LRFN5: variants seen among roughly 807,000 people sequenced by gnomAD.
LRFN5 encodes the protein leucine-rich repeat and fibronectin type-III domain-containing protein 5.
LRFN5 carries 24 observed loss-of-function variants against 45.6 expected under a neutral mutation model. The observed-to-expected ratio is 0.53, with a 90% CI of 0.38 to 0.74. The LOEUF (loss-of-function observed/expected upper bound fraction) is 0.74, where lower values mean the gene tolerates loss of function less well. Ranked by LOEUF, LRFN5 falls within the 30% of genes least tolerant of loss-of-function variation. The pLI, the probability that LRFN5 is intolerant of heterozygous loss-of-function variation, is 0.00. For synonymous variants in LRFN5, 340 were observed against 313.8 expected (o/e 1.08, Z -0.88); for missense variants, 776 against 861.5 (o/e 0.90, Z 1.24).
intron 2 of LRFN5, among the ~76,000 whole-genome samples, chr14:41,847,227 T>G (rs1889100137): frequency 6.6e-6 from 1 of 152,248 alleles, no homozygotes; most frequent in Admixed American, 6.5e-5. Flanking sequence ...TCAAGATTTC[T>G]GTTAAAAGTG....
intron 1 of LRFN5, among the ~76,000 whole-genome samples, chr14:41,617,986 C>T (rs1160267403): frequency 6.6e-6 from 1 of 152,084 alleles, no homozygotes; most frequent in Non-Finnish European, 1.5e-5. Flanking sequence ...GTGTAGACTG[C>T]TGTTGATGCT....
intron 2 of LRFN5, among the ~76,000 whole-genome samples, chr14:41,842,210 G>T (rs1423109031): frequency 2.0e-5 from 3 of 152,142 alleles, no homozygotes; most frequent in Admixed American, 2.0e-4. Flanking sequence ...TGCATTTGTA[G>T]ATATTGCATT....
chr14:41,825,973 T>C (rs1011802249), intron 2 of LRFN5, among the ~76,000 whole-genome samples: 8 of 152,308 alleles, frequency 5.3e-5, no homozygotes, highest in Non-Finnish European at 1.2e-4. Flanking sequence ...CTTTCTTCTT[T>C]CTCAGCACCC....
chr14:41,708,219 G>A (rs956465612), intron 1 of LRFN5, among the ~76,000 whole-genome samples: 29 of 151,720 alleles, frequency 1.9e-4, no homozygotes, highest in Non-Finnish European at 1.0e-4. Context: ...TATTTTGATT[G>A]CCGGAAACTT....
chr14:41,798,824 A>G (rs1214086257), intron 2 of LRFN5, among the ~76,000 whole-genome samples: 1 of 151,924 alleles, frequency 6.6e-6, no homozygotes, highest in Non-Finnish European at 1.5e-5. Flanking sequence ...GTAATCACAC[A>G]GGTTTTCTAC....
At chr14:41,673,583 C>G (rs1341188548) in intron 1 of LRFN5, among the ~76,000 whole-genome samples, 1 of 148,760 alleles carries the variant, frequency 6.7e-6, no homozygotes, top group Non-Finnish European at 1.5e-5. Flanking sequence ...TGACCCCCCC[C>G]ACCTCACTCC....
chr14:41,855,178 G>A (rs370368604), intron 2 of LRFN5, among the ~76,000 whole-genome samples: 26 of 152,260 alleles, frequency 1.7e-4, no homozygotes, highest in African/African-American at 6.0e-4. Flanking sequence ...GGCATGATCA[G>A]AAGTAATAAA....
At chr14:41,720,907 A>G (rs940892339) in intron 1 of LRFN5, among the ~76,000 whole-genome samples, 8 of 152,074 alleles carry the variant, frequency 5.3e-5, no homozygotes, top group Non-Finnish European at 1.0e-4. Context: ...ACAATTGGTC[A>G]GTGTTGTATT....
chr14:41,666,661 C>T (rs1043492195), intron 1 of LRFN5, among the ~76,000 whole-genome samples: 3 of 152,040 alleles, frequency 2.0e-5, no homozygotes, highest in African/African-American at 4.8e-5. Flanking sequence ...GTTTCAATTT[C>T]GTGGCTAAGG....
chr14:41,853,886 GCAACAACTATGATTTA>G (rs1889360832), intron 2 of LRFN5, among the ~76,000 whole-genome samples: 1 of 152,088 alleles, frequency 6.6e-6, no homozygotes, highest in African/African-American at 2.4e-5. Flanking sequence ...AGCAGTCATA[GCAACAACTATGATTTA>G]CTGGTTTCTT....
In LRFN5 at chr14:41,873,047, A is replaced by T. The variant is rs536622492; in HGVS notation, c.-20-13559A>T. Among the ~76,000 whole-genome samples, 18 of 152,314 alleles carry T rather than the reference A, an allele frequency of 1.2e-4. No individual in the cohort carries two copies. In the East Asian group the frequency reaches 3.1e-3, roughly 26 times the overall value. ...GAGTTGATGTAGCATTGTTCACCCT[A>T]AAATTGGTAATAGGCTGTTTCCACT... is the stretch of plus-strand genomic sequence containing the variant. On this transcript the variant is annotated intron_variant, in intron 2 of 5. Coordinates refer to ENST00000298119, the MANE Select transcript of LRFN5 (RefSeq NM_152447.5).
At chr14:41,752,011 A>G (rs1317665388) in intron 1 of LRFN5, among the ~76,000 whole-genome samples, 1 of 152,008 alleles carries the variant, frequency 6.6e-6, no homozygotes, top group Non-Finnish European at 1.5e-5. Flanking sequence ...GAGAACATGC[A>G]GTGTTTGGTT....
At chr14:41,720,160 A>C (rs12432366) in intron 1 of LRFN5, among the ~76,000 whole-genome samples, 95,777 of 151,472 alleles carry the variant, frequency 0.63, 30,850 homozygotes, top group African/African-American at 0.77. Flanking sequence ...ATTATTGCCA[A>C]CTTAATATCC....
At chr14:41,767,493 T>C (rs1000264176) in intron 2 of LRFN5, among the ~76,000 whole-genome samples, 4 of 152,156 alleles carry the variant, frequency 2.6e-5, no homozygotes, top group Admixed American at 6.5e-5. Context: ...CAGTGCTATA[T>C]AGAGGGTAAT....
chr14:41,648,455 CT>C (rs1268265793), intron 1 of LRFN5, among the ~76,000 whole-genome samples: 1 of 151,968 alleles, frequency 6.6e-6, no homozygotes, highest in African/African-American at 2.4e-5. Context: ...CCAAGCGAGA[CT>C]TTTGTCTCTA....
chr14:41,808,790 A>G (rs907859194), intron 2 of LRFN5, among the ~76,000 whole-genome samples: 1 of 152,084 alleles, frequency 6.6e-6, no homozygotes, highest in Non-Finnish European at 1.5e-5. Context: ...AGGATAAGCT[A>G]AAGGTAAGAT....
At chr14:41,841,926 A>T (rs1329989200) in intron 2 of LRFN5, among the ~76,000 whole-genome samples, 4 of 152,022 alleles carry the variant, frequency 2.6e-5, no homozygotes, top group African/African-American at 9.6e-5. Flanking sequence ...CTATGCCCTA[A>T]TTACTCTATT....
At chr14:41,711,362 A>G (rs1430498372) in intron 1 of LRFN5, among the ~76,000 whole-genome samples, 1 of 152,186 alleles carries the variant, frequency 6.6e-6, no homozygotes, top group African/African-American at 2.4e-5. Flanking sequence ...TGCAGAGGAC[A>G]GGGTACAAAG....
chr14:41,843,960 T>C (rs1888958384), intron 2 of LRFN5, among the ~76,000 whole-genome samples: 1 of 152,096 alleles, frequency 6.6e-6, no homozygotes, highest in Admixed American at 6.6e-5. Flanking sequence ...AAATAGCTTA[T>C]GCAAAATAAT....
Sources: gnomAD v4.1 joint callset for allele counts (sites outside exome capture counted in the v4.1 genomes callset) on GRCh38, gnomAD v4.1.1 for gene constraint, MANE v1.5 for transcripts, NCBI Gene and HGNC (gene_info 2026-07-23, HGNC 2026-07-21) for gene names.